CDK14: variants seen among roughly 807,000 people sequenced by gnomAD.
CDK14 encodes the protein cyclin dependent kinase 14.
A neutral mutation model predicts 60.7 loss-of-function variants in CDK14; 34 were observed. The observed-to-expected ratio is 0.56, with a 90% CI of 0.43 to 0.75. The LOEUF (loss-of-function observed/expected upper bound fraction) is 0.75, where lower values mean the gene tolerates loss of function less well. Among genes scored for constraint, CDK14 ranks in the 30% least tolerant of loss-of-function variants. The pLI is 0.00. For synonymous variants in CDK14, 197 were observed against 203.7 expected, an observed-to-expected ratio of 0.97 and a Z score of 0.28; for missense variants, 482 against 564.1, an observed-to-expected ratio of 0.85 and a Z score of 1.47.
At chr7:90,699,799 G>C (rs1017705730) in intron 2 of CDK14, among the ~76,000 whole-genome samples, 1 of 152,264 alleles carries the variant, frequency 6.6e-6, no homozygotes, top group East Asian at 1.9e-4. Context: ...AGTTATGATG[G>C]GGTCAGGCAG....
chr7:90,974,456 T>G (rs1213063166), intron 9 of CDK14, among the ~76,000 whole-genome samples: 1 of 152,208 alleles, frequency 6.6e-6, no homozygotes, highest in African/African-American at 2.4e-5. Flanking sequence ...TAAATGTCCA[T>G]GAAATCTTCA....
chr7:90,683,788 G>A (rs923501348), intron 2 of CDK14, among the ~76,000 whole-genome samples: 1 of 152,196 alleles, frequency 6.6e-6, no homozygotes, highest in Non-Finnish European at 1.5e-5. Flanking sequence ...GCGACAGAGC[G>A]AGACTCTGTC....
intron 10 of CDK14, among the ~76,000 whole-genome samples, chr7:91,021,864 G>GTA (rs1796441609): frequency 1.3e-5 from 2 of 152,334 alleles, no homozygotes; most frequent in Admixed American, 1.3e-4. Flanking sequence ...CCATTGGATT[G>GTA]TAATATAACA....
intron 7 of CDK14, among the ~76,000 whole-genome samples, chr7:90,902,120 C>T (rs1351999895): frequency 6.6e-6 from 1 of 151,968 alleles, no homozygotes; most frequent in East Asian, 1.9e-4. Context: ...AATGGAAAAA[C>T]ATCCTATGAT....
intron 6 of CDK14, among the ~76,000 whole-genome samples, chr7:90,871,770 T>G (rs1379836678): frequency 6.6e-6 from 1 of 152,194 alleles, no homozygotes; most frequent in Admixed American, 6.5e-5. Flanking sequence ...TCCCTTCATT[T>G]TGCAGATGAG....
intron 8 of CDK14, among the ~76,000 whole-genome samples, chr7:90,926,969 C>T (rs1336509107): frequency 1.3e-5 from 2 of 152,096 alleles, no homozygotes; most frequent in Non-Finnish European, 2.9e-5. Context: ...AACTGGGGAA[C>T]AGCCAGATGG....
At chr7:90,600,222 T>C (rs1222037599) in intron 1 of CDK14, among the ~76,000 whole-genome samples, 1 of 152,232 alleles carries the variant, frequency 6.6e-6, no homozygotes, top group Non-Finnish European at 1.5e-5. Context: ...ACTACAGTTG[T>C]CTCACACTTT....
At chr7:90,647,566 G>A (rs1563029030) in intron 2 of CDK14, among the ~76,000 whole-genome samples, 1 of 151,210 alleles carries the variant, frequency 6.6e-6, no homozygotes, top group Non-Finnish European at 1.5e-5. Flanking sequence ...TGTTGGTAAA[G>A]TTGTTTGGCG....
chr7:90,846,191 A>G (rs959872914), intron 5 of CDK14, among the ~76,000 whole-genome samples: 21 of 152,088 alleles, frequency 1.4e-4, no homozygotes, highest in African/African-American at 4.8e-4. Flanking sequence ...AGAATGCTGC[A>G]TCTCATTATA....
intron 9 of CDK14, among the ~76,000 whole-genome samples, chr7:90,969,555 T>C (rs920912921): frequency 6.6e-6 from 1 of 152,214 alleles, no homozygotes; most frequent in Non-Finnish European, 1.5e-5. Context: ...AGCCTTAAAA[T>C]ATGACTTCCT....
At chr7:90,822,718 G>T (rs1392619860) in intron 5 of CDK14, among the ~76,000 whole-genome samples, 1 of 152,114 alleles carries the variant, frequency 6.6e-6, no homozygotes, top group African/African-American at 2.4e-5. Flanking sequence ...AATGTTGCCT[G>T]AAAAAAGGCA....
chr7:90,675,820 G>A (rs894599467), intron 2 of CDK14, among the ~76,000 whole-genome samples: 4 of 152,124 alleles, frequency 2.6e-5, no homozygotes, highest in African/African-American at 9.7e-5. Flanking sequence ...TCTGCTTATT[G>A]ATTTGTTTAT....
chr7:90,727,852 G>T (rs1258546984), intron 3 of CDK14, among the ~76,000 whole-genome samples: 1 of 151,976 alleles, frequency 6.6e-6, no homozygotes, highest in Non-Finnish European at 1.5e-5. Context: ...CCTTTTCTGA[G>T]AATTTTTTCC....
chr7:90,878,696 A>G (rs1305176828), intron 6 of CDK14, among the ~76,000 whole-genome samples: 1 of 152,234 alleles, frequency 6.6e-6, no homozygotes, highest in East Asian at 1.9e-4. Flanking sequence ...ACATTACACC[A>G]GAAAATCAGA....
chr7:91,188,408 C>T lies in CDK14; in HGVS notation c.*29-18757C>T, dbSNP rs570976896. ...TCCTCCCAAACTAAGCAATTGAAAGCAATATCCAGGCAAAACAGAGCCCTC... is the reference window on the plus strand; with the variant it reads ...TCCTCCCAAACTAAGCAATTGAAAGTAATATCCAGGCAAAACAGAGCCCTC... On this transcript the variant is annotated intron_variant, in intron 14 of 14. Coordinates refer to ENST00000380050, the MANE Select transcript of CDK14 (RefSeq NM_001287135.2). Among the ~76,000 whole-genome samples, 21 of 152,194 alleles carry T rather than the reference C, an allele frequency of 1.4e-4. No homozygotes were observed. In the South Asian group the frequency reaches 2.5e-3, roughly 18 times the overall value.
chr7:90,763,269 A>G (rs1804400929), intron 4 of CDK14, among the ~76,000 whole-genome samples: 1 of 152,192 alleles, frequency 6.6e-6, no homozygotes, highest in Admixed American at 6.5e-5. Flanking sequence ...GATATCACTA[A>G]GGATTCGATG....
At chr7:91,014,305 T>G (rs1023355819) in intron 10 of CDK14, among the ~76,000 whole-genome samples, 1 of 152,188 alleles carries the variant, frequency 6.6e-6, no homozygotes, top group East Asian at 1.9e-4. Context: ...TCAAATTAGC[T>G]TATATTTCAG....
chr7:91,083,395 A>G (rs186632188), intron 12 of CDK14, among the ~76,000 whole-genome samples: 1 of 152,220 alleles, frequency 6.6e-6, no homozygotes, highest in African/African-American at 2.4e-5. Flanking sequence ...CATGAGGTGT[A>G]GTTCTTCACC....
intron 9 of CDK14, among the ~76,000 whole-genome samples, chr7:90,964,685 A>T (rs1220234655): frequency 1.3e-5 from 2 of 152,068 alleles, no homozygotes; most frequent in Non-Finnish European, 2.9e-5. Context: ...TAAATTGCTT[A>T]TATTGCTATT....
Sources: allele counts gnomAD v4.1 joint callset (sites outside exome capture counted in the v4.1 genomes callset), GRCh38; gene constraint gnomAD v4.1.1; transcripts MANE v1.5; gene names NCBI Gene and HGNC (gene_info 2026-07-23, HGNC 2026-07-21).